IGF1R: variants seen among roughly 807,000 people sequenced by gnomAD.
IGF1R encodes insulin like growth factor 1 receptor, also known as insulin-like growth factor 1 receptor.
Under a neutral mutation model 144.6 loss-of-function variants are expected in IGF1R, and 44 were observed. That is an observed-to-expected ratio of 0.30 (90% CI 0.24 to 0.39). The LOEUF (loss-of-function observed/expected upper bound fraction) is 0.39. Ranked by LOEUF, IGF1R falls within the 10% of genes least tolerant of loss-of-function variation. The pLI is 1.00. For missense variants in IGF1R, 1,355 were observed against 1,833.7 expected (o/e 0.74, Z 4.77); for synonymous variants, 795 against 722.8 (o/e 1.10, Z -1.60).
chr15:98,651,199 C>T (rs2052356219), intron 1 of IGF1R: 1 of 274,018 alleles, frequency 3.6e-6, no homozygotes, highest in Non-Finnish European at 5.6e-6. Context: ...ATGGCCCCAT[C>T]ACCGGGGCAA....
At chr15:98,656,015 G>C (rs2052476886) in intron 1 of IGF1R, among the ~76,000 whole-genome samples, 1 of 152,236 alleles carries the variant, frequency 6.6e-6, no homozygotes, top group South Asian at 2.1e-4. Context: ...TAAACTCATA[G>C]ATTGCTCTTC....
chr15:98,702,238 C>T (rs1465733956), intron 1 of IGF1R, among the ~76,000 whole-genome samples: 2 of 151,998 alleles, frequency 1.3e-5, no homozygotes, highest in East Asian at 1.9e-4. Flanking sequence ...ATGCCATTCA[C>T]CTAAGTTGTT....
chr15:98,682,686 TA>T (rs1423437772), intron 1 of IGF1R, among the ~76,000 whole-genome samples: 1 of 152,006 alleles, frequency 6.6e-6, no homozygotes, highest in Non-Finnish European at 1.5e-5. Context: ...TAGCTGGGAT[TA>T]CAGGCACGTG....
rs2017011883 is a variant in IGF1R at position 98,956,928 on chromosome 15, A to G, written c.3723-133A>G. On this transcript the variant is annotated intron_variant, in intron 20 of 20. Transcript: ENST00000650285. ...TCCAGGCAGAAAGCCAGGGATGGAG[A>G]GGGGCAGCAGGGCTGTGTTCAGTGC... 1.1e-5 allele frequency: 11 copies of G among 985,326 alleles called. No homozygotes were observed. In the South Asian group the frequency reaches 1.4e-4, roughly 12 times the overall value. 61.0% of individuals were successfully genotyped at this position (985,326 alleles called of 1,614,324 possible). A position where few individuals can be genotyped will look rare whatever the true frequency, so the allele number is the denominator to read the frequency against.
chr15:98,861,048 T>C (rs1283854757), intron 2 of IGF1R, among the ~76,000 whole-genome samples: 1 of 143,754 alleles, frequency 7.0e-6, no homozygotes, highest in Non-Finnish European at 1.5e-5. Context: ...TCCCTCCATC[T>C]ATGTCTCTGT....
intron 2 of IGF1R, among the ~76,000 whole-genome samples, chr15:98,791,984 G>C (rs1356841858): frequency 2.0e-5 from 3 of 152,204 alleles, no homozygotes; most frequent in Non-Finnish European, 2.9e-5. Flanking sequence ...AGGGTTTGAG[G>C]ATCAGAATGG....
rs201512808 is a variant in IGF1R, at chr15:98,859,079, G to GA, written c.641-32232dup. On this transcript the variant is annotated intron_variant, in intron 2 of 20. Coordinates refer to ENST00000650285, the MANE Select transcript of IGF1R (RefSeq NM_000875.5). ...CAAGAAGTAAAATGTCATAATGGAG[G>GA]AAAAAAAAAAAAAAGTCCAAACTTT... 6.8e-3 allele frequency among the ~76,000 whole-genome samples: 907 copies of GA among 133,614 alleles called. 4 individuals carry two copies. Among genetic ancestry groups the GA allele is most frequent in the East Asian group, 0.022 (101 of 4,696 alleles). The allele number at this position is 133,614 out of a possible 152,430, so 87.7% of individuals were successfully genotyped here. A position where few individuals can be genotyped will look rare whatever the true frequency, so the allele number is the denominator to read the frequency against.
chr15:98,958,153 C>T lies in IGF1R; in HGVS notation c.*711C>T, dbSNP rs12442522. 50 of 233,470 alleles carry T rather than the reference C, an allele frequency of 2.1e-4. No homozygotes were observed. Among genetic ancestry groups the T allele is most frequent in the African/African-American group, 8.6e-4 (39 of 45,428 alleles). The allele number at this position is 233,470 out of a possible 1,614,324, so 14.5% of individuals were successfully genotyped here. A position where few individuals can be genotyped will look rare whatever the true frequency, so the allele number is the denominator to read the frequency against. On this transcript the variant is annotated 3_prime_UTR_variant, in exon 21 of 21. Transcript: ENST00000650285. ...ACGCTGGCGACACACTCCGTCCATC[C>T]GACTGCCCCTGCTGTGCTGCTCAAG...
chr15:98,912,575 A>AT (rs1195803126), intron 7 of IGF1R, among the ~76,000 whole-genome samples: 1 of 152,350 alleles, frequency 6.6e-6, no homozygotes, highest in East Asian at 1.9e-4. Flanking sequence ...GAAACTAAAT[A>AT]TTTGAATATT....
chr15:98,936,796 G>T (rs544433517), intron 17 of IGF1R, among the ~76,000 whole-genome samples: 1 of 152,036 alleles, frequency 6.6e-6, no homozygotes, highest in African/African-American at 2.4e-5. Flanking sequence ...CCCACCCTCT[G>T]TTCTGCCAAG....
intron 1 of IGF1R, among the ~76,000 whole-genome samples, chr15:98,656,082 T>G (rs2052478393): frequency 6.6e-6 from 1 of 152,226 alleles, no homozygotes; most frequent in Non-Finnish European, 1.5e-5. Context: ...GATGAACACC[T>G]ACGATTGCAA....
At chr15:98,880,287 A>G (rs1434687698) in intron 2 of IGF1R, among the ~76,000 whole-genome samples, 2 of 152,154 alleles carry the variant, frequency 1.3e-5, no homozygotes, top group Non-Finnish European at 2.9e-5. Flanking sequence ...CTTTACCCTT[A>G]CTAATTAGCT....
At chr15:98,948,516 G>A (rs566239057) in intron 19 of IGF1R, 58 bp from the exon 20 acceptor site, 7 of 1,566,664 alleles carry the variant, frequency 4.5e-6, no homozygotes, top group Non-Finnish European at 6.1e-6. Flanking sequence ...GAAAGGAGGG[G>A]GCAGCATTGT....
intron 2 of IGF1R, among the ~76,000 whole-genome samples, chr15:98,837,173 A>G (rs533294486): frequency 6.6e-6 from 1 of 152,012 alleles, no homozygotes; most frequent in South Asian, 2.1e-4. Context: ...GGTTTGAGCA[A>G]TCCTCCCATC....
At chr15:98,852,990 G>A (rs2011604380) in intron 2 of IGF1R, among the ~76,000 whole-genome samples, 1 of 152,146 alleles carries the variant, frequency 6.6e-6, no homozygotes, top group South Asian at 2.1e-4. Context: ...TTCTACAAAT[G>A]CCGCCCTTCC....
chr15:98,648,581 C>T lies in IGF1R; in HGVS notation c.-1001C>T, dbSNP rs1420272546. On this transcript the variant is annotated 5_prime_UTR_variant, in exon 1 of 21. Coordinates refer to ENST00000650285, the MANE Select transcript of IGF1R (RefSeq NM_000875.5). ...GCGGCGGCGCGGCGAGGCTGGGGCT[C>T]TTGTTTACCAGCATTAACTCCGCTG... is the stretch of plus-strand genomic sequence containing the variant. 4.2e-5 allele frequency among the ~76,000 whole-genome samples: 6 copies of T among 144,506 alleles called. No individual in the cohort carries two copies. The highest frequency in any genetic ancestry group is 1.5e-4 in the African/African-American group (6 of 40,026). The allele number at this position is 144,506 out of a possible 152,430, so 94.8% of individuals were successfully genotyped here. A position where few individuals can be genotyped will look rare whatever the true frequency, so the allele number is the denominator to read the frequency against.
chr15:98,822,612 A>C (rs2670499), intron 2 of IGF1R, among the ~76,000 whole-genome samples: 12,195 of 152,246 alleles, frequency 0.08, 980 homozygotes, highest in African/African-American at 0.2. Flanking sequence ...CTCATCCATT[A>C]ATGCATTTCT....
At chr15:98,749,576 A>C (rs7166999) in intron 2 of IGF1R, among the ~76,000 whole-genome samples, 84,215 of 152,120 alleles carry the variant, frequency 0.55, 24,258 homozygotes, top group Non-Finnish European at 0.64. Flanking sequence ...CTTGTTATTT[A>C]ATAATGAATG....
At chr15:98,703,197 T>G (rs1348012399) in intron 1 of IGF1R, among the ~76,000 whole-genome samples, 1 of 152,090 alleles carries the variant, frequency 6.6e-6, no homozygotes, top group African/African-American at 2.4e-5. Context: ...TTCCAAAAGT[T>G]TTTGGGTTTG....
Sources: gnomAD v4.1 joint callset for allele counts (sites outside exome capture counted in the v4.1 genomes callset) on GRCh38, gnomAD v4.1.1 for gene constraint, MANE v1.5 for transcripts, NCBI Gene and HGNC (gene_info 2026-07-23, HGNC 2026-07-21) for gene names.